Variants in CDH22 observed in about 807,000 individuals in gnomAD.
The protein encoded by CDH22 is cadherin-22.
In CDH22, 30 loss-of-function variants were observed where a neutral mutation model predicts 58.4. The ratio of observed to expected loss-of-function variants is 0.51; its 90% confidence interval spans 0.38 to 0.70. The LOEUF (loss-of-function observed/expected upper bound fraction) is 0.70. Among genes scored for constraint, CDH22 ranks in the 30% least tolerant of loss-of-function variants. CDH22 has a pLI of 0.00. For synonymous variants in CDH22, 513 were observed against 558.2 expected (o/e 0.92, Z 1.14); for missense variants, 1,014 against 1,233.9 (o/e 0.82, Z 2.67).
intron 1 of CDH22, among the ~76,000 whole-genome samples, chr20:46,268,387 C>T (rs116042714): frequency 0.013 from 1,916 of 152,368 alleles, 36 homozygotes; most frequent in African/African-American, 0.044. Context: ...CGCAGCTCCC[C>T]GAGGTCCCAG....
In CDH22 at chr20:46,241,378, T is replaced by C; in HGVS notation, c.256-121A>G. Reference sequence around the variant, plus strand: ...TCTCTTCTCCAGCACATACACATCTTTAGTGAGGACACTGAGGCCCAGCAG... The same window carrying C: ...TCTCTTCTCCAGCACATACACATCTCTAGTGAGGACACTGAGGCCCAGCAG... On this transcript the variant is annotated intron_variant, in intron 2 of 11. Coordinates refer to ENST00000537909, the MANE Select transcript of CDH22 (RefSeq NM_021248.3). This position sits in a 1 kb window ranked among gnomAD's most constrained non-coding sequence, Gnocchi z 5.2. The C allele has an allele frequency of 2.3e-6, 2 of 853,540 alleles. No individual in the cohort carries two copies. The highest frequency in any genetic ancestry group is 2.5e-4 in the Middle Eastern group (1 of 3,988). The allele number at this position is 853,540 out of a possible 1,614,324, so 52.9% of individuals were successfully genotyped here.
Position 46,222,063 on chromosome 20 carries a change from C to A in CDH22, c.671-5070G>T, listed in dbSNP as rs891719219. Among the ~76,000 whole-genome samples, 5 of 152,224 alleles carry A rather than the reference C, an allele frequency of 3.3e-5. No homozygotes were observed. The East Asian group carries it at 9.6e-4, about 29-fold the overall frequency. On this transcript the variant is annotated intron_variant, in intron 4 of 11. Coordinates refer to ENST00000537909, the MANE Select transcript of CDH22 (RefSeq NM_021248.3). Reference sequence around the variant, plus strand: ...ACCATGGGCAAGTTCCTGGGCCTCTCTGAGCCTCTGTTTCCTCTTATGTGA... The same window carrying A: ...ACCATGGGCAAGTTCCTGGGCCTCTATGAGCCTCTGTTTCCTCTTATGTGA...
intron 1 of CDH22, among the ~76,000 whole-genome samples, chr20:46,278,819 C>T (rs928081351): frequency 6.6e-6 from 1 of 152,186 alleles, no homozygotes; most frequent in African/African-American, 2.4e-5. Flanking sequence ...AACTCCTAGC[C>T]TCAAGCAATC....
chr20:46,295,087 G>A (rs1002935438), intron 1 of CDH22, among the ~76,000 whole-genome samples: 50 of 152,320 alleles, frequency 3.3e-4, no homozygotes, highest in African/African-American at 1.2e-3. Flanking sequence ...CATGCGAGGA[G>A]CCTCTCACTG....
At chr20:46,265,865 T>A (rs1016961891) in intron 1 of CDH22, among the ~76,000 whole-genome samples, 2 of 152,022 alleles carry the variant, frequency 1.3e-5, no homozygotes, top group East Asian at 3.8e-4. Context: ...CTCTTCCTGT[T>A]CCACCTCCTG....
chr20:46,304,474 C>G (rs958312801), intron 1 of CDH22, among the ~76,000 whole-genome samples: 7 of 152,230 alleles, frequency 4.6e-5, no homozygotes, highest in Non-Finnish European at 5.9e-5. Flanking sequence ...CAGCAAGTCA[C>G]AAACTCAGGC....
chr20:46,265,584 C>T (rs944873594), intron 1 of CDH22, among the ~76,000 whole-genome samples: 4 of 152,130 alleles, frequency 2.6e-5, no homozygotes, highest in Non-Finnish European at 5.9e-5. Flanking sequence ...CCCAACTATG[C>T]ATTTCTGACC....
intron 8 of CDH22, among the ~76,000 whole-genome samples, chr20:46,193,772 GGGAACACCTGAATCCCCTTTCTGCCT>G (rs1271187133): frequency 9.2e-5 from 14 of 152,164 alleles, no homozygotes; most frequent in East Asian, 1.9e-4. Context: ...GCTTTCTGCT[GGGAACACCTGAATCCCCTTTCTGCCT>G]GGAACACCTG....
Position 46,241,374 on chromosome 20 carries a change from A to G in CDH22, c.256-117T>C, listed in dbSNP as rs1253819549. On this transcript the variant is annotated intron_variant, in intron 2 of 11. Transcript: ENST00000537909. This position sits in a 1 kb window ranked among gnomAD's most constrained non-coding sequence, Gnocchi z 5.2. Reference sequence around the variant, plus strand: ...CCCATCTCTTCTCCAGCACATACACATCTTTAGTGAGGACACTGAGGCCCA... The same window carrying G: ...CCCATCTCTTCTCCAGCACATACACGTCTTTAGTGAGGACACTGAGGCCCA... 1.2e-6 allele frequency: 1 copy of G among 866,470 alleles called. No individual in the cohort carries two copies. Among genetic ancestry groups the G allele is most frequent in the East Asian group, 2.7e-5 (1 of 37,208 alleles). The allele number at this position is 866,470 out of a possible 1,614,324, so 53.7% of individuals were successfully genotyped here.
At chr20:46,227,762 C>T (rs2086189781) in intron 3 of CDH22, 135 bp from the exon 4 acceptor site, 1 of 1,286,308 alleles carries the variant, frequency 7.8e-7, no homozygotes. Context: ...TACAGCCCCT[C>T]ACGGTCCCCA....
intron 1 of CDH22, among the ~76,000 whole-genome samples, chr20:46,254,589 C>T (rs1002932171): frequency 2.0e-5 from 3 of 150,818 alleles, no homozygotes; most frequent in Admixed American, 6.6e-5. Flanking sequence ...GAAGTCCTGG[C>T]CCTCATGGAA....
chr20:46,259,466 A>G (rs1413149926), intron 1 of CDH22, among the ~76,000 whole-genome samples: 2 of 152,234 alleles, frequency 1.3e-5, no homozygotes, highest in East Asian at 1.9e-4. Context: ...GTGCCACACC[A>G]CCTGTAAGTG....
At chr20:46,286,701 G>A (rs1277833075) in intron 1 of CDH22, among the ~76,000 whole-genome samples, 1 of 152,108 alleles carries the variant, frequency 6.6e-6, no homozygotes, top group East Asian at 1.9e-4. Context: ...GAGGGGGTGG[G>A]TGCCAGCCTT....
intron 1 of CDH22, among the ~76,000 whole-genome samples, chr20:46,288,301 T>C (rs146112397): frequency 6.6e-6 from 1 of 152,260 alleles, no homozygotes; most frequent in East Asian, 1.9e-4. Flanking sequence ...TCCACACCTC[T>C]CCCAGCACCC....
At chr20:46,254,953 C>G (rs975152217) in intron 1 of CDH22, among the ~76,000 whole-genome samples, 2 of 152,104 alleles carry the variant, frequency 1.3e-5, no homozygotes, top group African/African-American at 4.8e-5. Flanking sequence ...GGAGAAGGCA[C>G]GCTTGTTGTA....
At chr20:46,253,778 C>T (rs936106780) in intron 1 of CDH22, among the ~76,000 whole-genome samples, 8 of 152,172 alleles carry the variant, frequency 5.3e-5, no homozygotes, top group Non-Finnish European at 1.2e-4. Flanking sequence ...CTCCAGGGCC[C>T]ATCACAGCCC....
At position 46,210,417 on chromosome 20, in the gene CDH22, G is replaced by T. The variant is rs200454892; in HGVS notation, c.1176C>A (p.Pro392=). The T allele has an allele frequency of 1.4e-6, 2 of 1,458,474 alleles. No individual in the cohort carries two copies. The highest frequency in any genetic ancestry group is 1.8e-6 in the Non-Finnish European group (2 of 1,105,310). The allele number at this position is 1,458,474 out of a possible 1,614,324, so 90.3% of individuals were successfully genotyped here. The part of the protein sequence containing the change: ...RVAVTDVDEP[P]EFRPPSGLLE... ...GGAGGCCGGAGGGCGGCCGGAACTC[G>T]GGGGGCTCGTCCACGTCGGTCACGG... The change falls in exon 7 of 12, where the codon CCC becomes CCA. Residue 392 remains proline (P), a synonymous_variant. Coordinates refer to ENST00000537909, the MANE Select transcript of CDH22 (RefSeq NM_021248.3). This position sits in a 1 kb window ranked among gnomAD's most constrained non-coding sequence, Gnocchi z 4.5.
chr20:46,210,204 G>T lies in CDH22; in HGVS notation c.1286+103C>A. ...CCTCCCCCACGCAGCCCCTTCCTTC[G>T]GCCCTGCCCGCCCCAGCCCTCCTCC... On this transcript the variant is annotated intron_variant, in intron 7 of 11. Coordinates refer to ENST00000537909, the MANE Select transcript of CDH22 (RefSeq NM_021248.3). The surrounding 1 kb of genome is among the most constrained non-coding windows in gnomAD (Gnocchi z 4.5). 1.7e-6 allele frequency: 2 copies of T among 1,205,540 alleles called. No homozygotes were observed. Among genetic ancestry groups the T allele is most frequent in the Non-Finnish European group, 2.1e-6 (2 of 936,088 alleles). 74.7% of individuals were successfully genotyped at this position (1,205,540 alleles called of 1,614,324 possible). A position where few individuals can be genotyped will look rare whatever the true frequency, so the allele number is the denominator to read the frequency against.
chr20:46,186,558 C>T, intron 10 of CDH22, 30 bp downstream of exon 10: 1 of 1,507,808 alleles, frequency 6.6e-7, no homozygotes, highest in African/African-American at 1.4e-5. Flanking sequence ...GTGCCCCTCC[C>T]TTCTTGCATC....
Sources: gnomAD v4.1 joint callset for allele counts (sites outside exome capture counted in the v4.1 genomes callset) on GRCh38, gnomAD v4.1.1 for gene constraint, Gnocchi (gnomAD v3.1) non-coding constraint, MANE v1.5 for transcripts, NCBI Gene and HGNC (gene_info 2026-07-23, HGNC 2026-07-21) for gene names.